OR10G8: variants seen among roughly 807,000 people sequenced by gnomAD.
OR10G8 encodes olfactory receptor family 10 subfamily G member 8, also known as olfactory receptor 10G8.
For synonymous variants in OR10G8, 173 were observed against 163.2 expected, an observed-to-expected ratio of 1.06 and a Z score of -0.46; for missense variants, 386 against 384.9, an observed-to-expected ratio of 1.00 and a Z score of -0.02.
rs117497379 is a variant in OR10G8, at chr11:124,028,569, A to G, written c.-27-1027A>G. The stretch of plus-strand genomic sequence containing the variant: ...AAATTCTGTAATACTGCTGCAAGGC[A>G]TAATGTGATAAGACTCACTGTCATT... On this transcript the variant is annotated intron_variant, in intron 1 of 1. Transcript: ENST00000641224. 8.8e-3 allele frequency among the ~76,000 whole-genome samples: 1,338 copies of G among 152,348 alleles called. 9 individuals carry two copies. The highest frequency in any genetic ancestry group is 0.018 in the Admixed American group (272 of 15,304).
rs200468713 is a variant in OR10G8 at position 124,029,777 on chromosome 11, A to G, written c.155A>G (p.His52Arg). The change falls in exon 2 of 2, where the codon CAC (histidine) becomes CGC (arginine). Residue 52 changes from histidine (H) to arginine (R), a missense_variant. Transcript: ENST00000641224. ...LILLVIRVDS[H>R]LHTTMYYFLT... ...CTGCTGGTGATCAGGGTGGATTCTC[A>G]CCTCCACACCACCATGTACTACTTC... 1.2e-6 allele frequency: 2 copies of G among 1,613,720 alleles called. No homozygotes were observed. The highest frequency in any genetic ancestry group is 4.5e-5 in the East Asian group (2 of 44,838).
At chr11:124,028,318 G>T (rs1040715339) in intron 1 of OR10G8, among the ~76,000 whole-genome samples, 1 of 152,106 alleles carries the variant, frequency 6.6e-6, no homozygotes, top group African/African-American at 2.4e-5. Flanking sequence ...GATGCTCTCT[G>T]GATCATTTGG....
Position 124,030,577 on chromosome 11 carries a change from T to A in OR10G8, c.*19T>A. Reference sequence around the variant, plus strand: ...CAAATAGACACTAGGGAAGATTACATATCTTAGCTCTTGTGAATAGTGCTG... The same window carrying A: ...CAAATAGACACTAGGGAAGATTACAAATCTTAGCTCTTGTGAATAGTGCTG... On this transcript the variant is annotated 3_prime_UTR_variant, in exon 2 of 2. Coordinates refer to ENST00000641224, the MANE Select transcript of OR10G8 (RefSeq NM_001004464.2). 6.5e-7 allele frequency: 1 copy of A among 1,535,174 alleles called. No individual in the cohort carries two copies. The highest frequency in any genetic ancestry group is 8.8e-7 in the Non-Finnish European group (1 of 1,140,318).
chr11:124,029,538 G>C (rs542377094), intron 1 of OR10G8, 58 bp from the exon 2 acceptor site: 1 of 1,441,304 alleles, frequency 6.9e-7, no homozygotes, highest in African/African-American at 1.4e-5. Flanking sequence ...TCCACACAGA[G>C]AATGGATTCT....
Position 124,029,610 on chromosome 11 carries a change from A to G in OR10G8, c.-13A>G. 1 of 1,610,652 alleles carries G rather than the reference A, an allele frequency of 6.2e-7. No homozygotes were observed. The highest frequency in any genetic ancestry group is 1.1e-5 in the South Asian group (1 of 90,848). ...TATATTCCCAGAGGGAGAGAGACCA[A>G]GGGTGAGAAGAAATGTCCAACGCCA... is the stretch of plus-strand genomic sequence containing the variant. On this transcript the variant is annotated 5_prime_UTR_variant, in exon 2 of 2. Transcript: ENST00000641224.
In OR10G8 at chr11:124,030,020, G is replaced by A. The variant is rs768073638; in HGVS notation, c.398G>A (p.Ser133Asn). ...ATCAGTTACCCGCTCAGGTACACCA[G>A]CATGATGACTGGGCGCTCGTGTACT... ...LAISYPLRYT[S>N]MMTGRSCTLL... The change falls in exon 2 of 2, where the codon AGC becomes AAC. Residue 133 changes from serine to asparagine, a missense_variant. By Grantham distance (46) the Ser-to-Asn change is conservative (BLOSUM62 1). Transcript: ENST00000641224. 14 of 1,614,146 alleles carry A rather than the reference G, an allele frequency of 8.7e-6. No homozygotes were observed. Among genetic ancestry groups the A allele is most frequent in the East Asian group, 2.2e-5 (1 of 44,878 alleles).
chr11:124,030,328 G>A lies in OR10G8; in HGVS notation c.706G>A (p.Ala236Thr). The A allele has an allele frequency of 6.2e-7, 1 of 1,614,206 alleles. No homozygotes were observed. Residue 236 changes from alanine to threonine, a missense_variant, in exon 2 of 2, where the codon GCC becomes ACC. Ala to Thr is a moderately conservative substitution (Grantham distance 58, BLOSUM62 0). Transcript: ENST00000641224. ...RIRTSEGKHR[A>T]FQTCASHCIV... ...CCGCACCTCAGAGGGGAAGCACAGA[G>A]CCTTTCAGACCTGTGCCTCCCACTG...
In OR10G8 at chr11:124,029,850, G is replaced by A. The variant is rs944927638; in HGVS notation, c.228G>A (p.Val76=). ...ACATGTGGTTCTCCACTGTCACGGT[G>A]CCCAAATTGCTGATGACTTTGGTGT... ...FIDMWFSTVT[V]PKLLMTLVFP... Residue 76 remains valine (V), a synonymous_variant, in exon 2 of 2, where the codon GTG becomes GTA. Transcript: ENST00000641224. 2 of 1,614,164 alleles carry A rather than the reference G, an allele frequency of 1.2e-6. No homozygotes were observed. Among genetic ancestry groups the A allele is most frequent in the Non-Finnish European group, 1.7e-6 (2 of 1,180,040 alleles).
Position 124,029,685 on chromosome 11 carries a change from G to A in OR10G8, c.63G>A (p.Leu21=). 1 of 1,613,928 alleles carries A rather than the reference G, an allele frequency of 6.2e-7. No homozygotes were observed. Among genetic ancestry groups the A allele is most frequent in the Non-Finnish European group, 8.5e-7 (1 of 1,179,868 alleles). Residue 21 remains leucine, a synonymous_variant, in exon 2 of 2, where the codon CTG becomes CTA. Coordinates refer to ENST00000641224, the MANE Select transcript of OR10G8 (RefSeq NM_001004464.2). ...TGGGCCTTCCCCATGCCCCAGCGCT[G>A]GACGCCCCCCTCTTTGGAGTCTTCC... is the stretch of plus-strand genomic sequence containing the variant. ...ILMGLPHAPA[L]DAPLFGVFLV... is the part of the protein sequence containing the mutation.
At chr11:124,028,483 G>A (rs1864124955) in intron 1 of OR10G8, among the ~76,000 whole-genome samples, 1 of 152,074 alleles carries the variant, frequency 6.6e-6, no homozygotes, top group Admixed American at 6.5e-5. Flanking sequence ...AGATTCAGAA[G>A]GACTCTCTGA....
At chr11:124,027,523 G>A (rs1864117562) in intron 1 of OR10G8, among the ~76,000 whole-genome samples, 2 of 152,140 alleles carry the variant, frequency 1.3e-5, no homozygotes, top group Admixed American at 1.3e-4. Flanking sequence ...TCTTGCTTTA[G>A]GTCTCAGGCT....
intron 1 of OR10G8, 110 bp downstream of exon 1, chr11:124,026,977 A>C (rs553557242): frequency 2.0e-5 from 3 of 152,344 alleles, no homozygotes; most frequent in African/African-American, 7.2e-5. Flanking sequence ...CATGCTTATG[A>C]AGATCCTTTC....
Position 124,029,736 on chromosome 11 carries a change from G to A in OR10G8, c.114G>A (p.Leu38=). 6.2e-7 allele frequency: 1 copy of A among 1,613,876 alleles called. No individual in the cohort carries two copies. Among genetic ancestry groups the A allele is most frequent in the Non-Finnish European group, 8.5e-7 (1 of 1,179,870 alleles). The change falls in exon 2 of 2, where the codon CTG becomes CTA. Residue 38 remains leucine (L), a synonymous_variant. Transcript: ENST00000641224. ...VFLVVYVLTV[L]GNLLILLVIR... Reference sequence around the variant, plus strand: ...TGGTGGTTTACGTGCTCACTGTGCTGGGGAACCTCCTCATCCTGCTGGTGA... The same window carrying A: ...TGGTGGTTTACGTGCTCACTGTGCTAGGGAACCTCCTCATCCTGCTGGTGA...
chr11:124,028,186 C>A (rs769654624), intron 1 of OR10G8, among the ~76,000 whole-genome samples: 1 of 152,166 alleles, frequency 6.6e-6, no homozygotes, highest in African/African-American at 2.4e-5. Flanking sequence ...TGAAAGACAG[C>A]TGGCCTCTAC....
intron 1 of OR10G8, among the ~76,000 whole-genome samples, chr11:124,027,584 T>C (rs542950231): frequency 9.2e-5 from 14 of 152,348 alleles, no homozygotes; most frequent in African/African-American, 3.4e-4. Context: ...AATCTGATCA[T>C]GAAGCTATTC....
At chr11:124,029,032 T>C (rs935220550) in intron 1 of OR10G8, among the ~76,000 whole-genome samples, 2 of 139,154 alleles carry the variant, frequency 1.4e-5, no homozygotes, top group Non-Finnish European at 3.0e-5. Flanking sequence ...AGAAGTAACC[T>C]GTGGTGTTTT....
At chr11:124,028,121 A>T (rs190567352) in intron 1 of OR10G8, among the ~76,000 whole-genome samples, 1 of 152,324 alleles carries the variant, frequency 6.6e-6, no homozygotes, top group Non-Finnish European at 1.5e-5. Context: ...GCAACACATG[A>T]TATCTAACAA....
chr11:124,030,299 G>T lies in OR10G8; in HGVS notation c.677G>T (p.Arg226Leu), dbSNP rs201131218. 1 of 1,614,074 alleles carries T rather than the reference G, an allele frequency of 6.2e-7. No homozygotes were observed. Among genetic ancestry groups the T allele is most frequent in the African/African-American group, 1.3e-5 (1 of 74,918 alleles). Residue 226 changes from arginine (R) to leucine (L), a missense_variant, in exon 2 of 2, where the codon CGG (arginine) becomes CTG (leucine). Coordinates refer to ENST00000641224, the MANE Select transcript of OR10G8 (RefSeq NM_001004464.2). ...GTGTCCATCGTCTGTTCCATCCTGCGGATCCGCACCTCAGAGGGGAAGCAC... is the reference window on the plus strand; with the variant it reads ...GTGTCCATCGTCTGTTCCATCCTGCTGATCCGCACCTCAGAGGGGAAGCAC... ...SYVSIVCSIL[R>L]IRTSEGKHRA...
chr11:124,029,822 T>C lies in OR10G8; in HGVS notation c.200T>C (p.Ile67Thr). ...TACTTCCTCACCAACCTGTCGTTCA[T>C]TGACATGTGGTTCTCCACTGTCACG... ...MYYFLTNLSF[I>T]DMWFSTVTVP... Residue 67 changes from isoleucine to threonine, a missense_variant, in exon 2 of 2, where the codon ATT (isoleucine) becomes ACT (threonine). Coordinates refer to ENST00000641224, the MANE Select transcript of OR10G8 (RefSeq NM_001004464.2). 1 of 1,614,222 alleles carries C rather than the reference T, an allele frequency of 6.2e-7. No homozygotes were observed. Among genetic ancestry groups the C allele is most frequent in the East Asian group, 2.2e-5 (1 of 44,874 alleles).
Sources: gnomAD v4.1 joint callset for allele counts (sites outside exome capture counted in the v4.1 genomes callset) on GRCh38, gnomAD v4.1.1 for gene constraint, MANE v1.5 for transcripts, NCBI Gene and HGNC (gene_info 2026-07-23, HGNC 2026-07-21) for gene names.